The following EXOC2 variants were observed in gnomAD, a reference collection of about 807,000 sequenced individuals.
EXOC2 encodes the protein SEC5-like 1.
Under a neutral mutation model 131.8 loss-of-function variants are expected in EXOC2, and 70 were observed. The observed-to-expected ratio is 0.53, with a 90% confidence interval of 0.44 to 0.65. The LOEUF (loss-of-function observed/expected upper bound fraction) is 0.65. Ranked by LOEUF, EXOC2 falls within the 30% of genes least tolerant of loss-of-function variation. The probability of loss-of-function intolerance (pLI) is 0.00; values close to 1 mark genes in which losing one functional copy is unlikely to be tolerated. For missense variants in EXOC2, 923 were observed against 1,108.6 expected (o/e 0.83, Z 2.38); for synonymous variants, 411 against 398.4 (o/e 1.03, Z -0.38).
At chr6:567,680 T>TTG (rs768137738) in intron 13 of EXOC2, among the ~76,000 whole-genome samples, 23 of 151,976 alleles carry the variant, frequency 1.5e-4, no homozygotes, top group Non-Finnish European at 2.1e-4. Flanking sequence ...TGTGTGTCTG[T>TTG]TGTGTGTGTG....
intron 17 of EXOC2, among the ~76,000 whole-genome samples, chr6:557,683 A>T (rs1005691049): frequency 1.2e-4 from 18 of 151,768 alleles, no homozygotes; most frequent in Non-Finnish European, 2.1e-4. Context: ...GATCGGCTGT[A>T]AATAGGATGG....
intron 23 of EXOC2, among the ~76,000 whole-genome samples, chr6:516,096 G>C (rs368595382): frequency 1.1e-4 from 16 of 152,250 alleles, no homozygotes; most frequent in African/African-American, 3.9e-4. Flanking sequence ...ATCTGGAACT[G>C]TCTATAACCC....
intron 7 of EXOC2, among the ~76,000 whole-genome samples, chr6:606,774 G>C (rs1760440748): frequency 6.6e-6 from 1 of 152,202 alleles, no homozygotes; most frequent in Admixed American, 6.5e-5. Context: ...GAGTCTCAAA[G>C]ACAGGAGGAC....
At chr6:496,110 G>A (rs140920034) in intron 25 of EXOC2, among the ~76,000 whole-genome samples, 21 of 152,120 alleles carry the variant, frequency 1.4e-4, no homozygotes, top group African/African-American at 3.4e-4. Flanking sequence ...TATGAGGAGC[G>A]CAGTTTCCTT....
chr6:604,237 CATCT>C (rs762267697), intron 7 of EXOC2, among the ~76,000 whole-genome samples: 52 of 152,322 alleles, frequency 3.4e-4, no homozygotes, highest in East Asian at 9.6e-4. Context: ...CTCCTTCATC[CATCT>C]GAGGCCAGAC....
At chr6:499,472 C>CACAG (rs1554116818) in intron 24 of EXOC2, among the ~76,000 whole-genome samples, 173 bp downstream of exon 24, 24 of 146,926 alleles carry the variant, frequency 1.6e-4, no homozygotes, top group African/African-American at 2.5e-4. Context: ...CACACACACA[C>CACAG]AGAGACAGAG....
rs1757895591 is a variant in EXOC2 at position 564,908 on chromosome 6, T to A, written c.1465A>T (p.Ile489Phe). 6.2e-7 allele frequency: 1 copy of A among 1,612,568 alleles called. No homozygotes were observed. The highest frequency in any genetic ancestry group is 2.2e-5 in the East Asian group (1 of 44,806). The change falls in exon 14 of 28, where the codon ATT becomes TTT. Residue 489 changes from isoleucine (I) to phenylalanine (F), a missense_variant. Ile to Phe is a conservative substitution (Grantham distance 21). Transcript: ENST00000230449. ...FSETAEKSGQ[I>F]ERSKNVRQRQ... ...TGCCTTACATTCTTTGATCTTTCAA[T>A]CTGGCCTGACTTCTCAGCAGTCTTA...
intron 17 of EXOC2, among the ~76,000 whole-genome samples, 163 bp from the exon 18 acceptor site, chr6:556,727 G>T (rs994567098): frequency 2.6e-5 from 4 of 152,126 alleles, no homozygotes; most frequent in African/African-American, 9.7e-5. Context: ...AGTTTCAGAG[G>T]TTTGGCATAT....
At chr6:676,904 C>T (rs1212515325) in intron 1 of EXOC2, among the ~76,000 whole-genome samples, 2 of 124,560 alleles carry the variant, frequency 1.6e-5, no homozygotes, top group East Asian at 2.6e-4. Flanking sequence ...GACTGCGGTT[C>T]CCCATACTCT....
At chr6:495,512 A>ACTGAAAATACGTTTTCAGTT (rs1763677260) in intron 25 of EXOC2, among the ~76,000 whole-genome samples, 1 of 152,178 alleles carries the variant, frequency 6.6e-6, no homozygotes, top group South Asian at 2.1e-4. Context: ...CATATACGAA[A>ACTGAAAATACGTTTTCAGTT]CTGAAAATAC....
intron 13 of EXOC2, among the ~76,000 whole-genome samples, chr6:567,697 T>C (rs1338426095): frequency 6.6e-6 from 1 of 152,168 alleles, no homozygotes; most frequent in African/African-American, 2.4e-5. Context: ...TGTGCATGCA[T>C]ACATGTGCAT....
chr6:487,680 C>T (rs1317571014), intron 27 of EXOC2, among the ~76,000 whole-genome samples: 1 of 152,186 alleles, frequency 6.6e-6, no homozygotes, highest in Non-Finnish European at 1.5e-5. Context: ...GCTGGGATTA[C>T]AGGCATGAGC....
chr6:487,730 G>T (rs1158599369), intron 27 of EXOC2, among the ~76,000 whole-genome samples: 1 of 152,116 alleles, frequency 6.6e-6, no homozygotes, highest in Non-Finnish European at 1.5e-5. Context: ...TTAAAGCTAG[G>T]AAGGATCTTA....
intron 1 of EXOC2, among the ~76,000 whole-genome samples, chr6:667,887 AT>A: frequency 6.6e-6 from 1 of 151,622 alleles, no homozygotes; most frequent in Non-Finnish European, 1.5e-5. Context: ...CCATCCATCC[AT>A]CCATCCATCC....
intron 1 of EXOC2, among the ~76,000 whole-genome samples, chr6:638,527 T>C (rs952605735): frequency 8.5e-5 from 13 of 152,242 alleles, no homozygotes; most frequent in Non-Finnish European, 1.5e-5. Flanking sequence ...CTCCCTCTTC[T>C]TGTATGTAAA....
At chr6:600,564 T>C (rs1760074649) in intron 7 of EXOC2, among the ~76,000 whole-genome samples, 1 of 152,188 alleles carries the variant, frequency 6.6e-6, no homozygotes. Context: ...CACCAAGCAC[T>C]GTTGTTTTAC....
At chr6:629,277 A>G (rs1761728437) in intron 4 of EXOC2, among the ~76,000 whole-genome samples, 1 of 152,242 alleles carries the variant, frequency 6.6e-6, no homozygotes, top group African/African-American at 2.4e-5. Flanking sequence ...TTAAGTAGAA[A>G]GGCACTAATT....
At chr6:556,455 T>C in intron 18 of EXOC2, 29 bp downstream of exon 18, 3 of 1,609,178 alleles carry the variant, frequency 1.9e-6, no homozygotes, top group Admixed American at 1.7e-5. Context: ...CCTGGGAAAC[T>C]GGAGTCCAAG....
intron 1 of EXOC2, among the ~76,000 whole-genome samples, chr6:688,610 C>T (rs914595919): frequency 2.1e-4 from 32 of 152,144 alleles, no homozygotes; most frequent in African/African-American, 7.2e-4. Flanking sequence ...TGAGGCAGTT[C>T]GGTGTTACTC....
Sources: gnomAD v4.1 joint callset for allele counts (sites outside exome capture counted in the v4.1 genomes callset) on GRCh38, gnomAD v4.1.1 for gene constraint, MANE v1.5 for transcripts, NCBI Gene and HGNC (gene_info 2026-07-23, HGNC 2026-07-21) for gene names.